CC2D2A: variants seen among roughly 807,000 people sequenced by gnomAD.
CC2D2A encodes coiled-coil and C2 domain-containing protein 2A.
A neutral mutation model predicts 212.9 loss-of-function variants in CC2D2A; 155 were observed. The observed-to-expected ratio is 0.73, with a 90% confidence interval of 0.64 to 0.83. The LOEUF is 0.83. Ranked by LOEUF, CC2D2A falls within the 40% of genes least tolerant of loss-of-function variation. The probability of loss-of-function intolerance (pLI) is 0.00; values close to 1 mark genes in which losing one functional copy is unlikely to be tolerated. For synonymous variants in CC2D2A, 667 were observed against 686.5 expected (o/e 0.97, Z 0.44); for missense variants, 1,856 against 1,956.2 (o/e 0.95, Z 0.97).
In CC2D2A at chr4:15,599,589, G is replaced by C; in HGVS notation, c.4557G>C (p.Trp1519Cys). The change falls in exon 36 of 37, where the codon TGG becomes TGC. Residue 1519 changes from tryptophan to cysteine, a missense_variant. By Grantham distance (215) the Trp-to-Cys change is radical. This residue lies in a region of CC2D2A where 285 missense variants were observed against 278.4 expected (regional missense o/e 1.02). Coordinates refer to ENST00000424120, the MANE Select transcript of CC2D2A (RefSeq NM_001378615.1). ...MDWRPRHLTR[W>C]NRYCTSTLRH... The stretch of plus-strand genomic sequence containing the variant: ...GGAGGCCACGCCATCTGACTCGGTG[G>C]AATAGGTATTGTACCTCTACTCTGC... The C allele has an allele frequency of 6.2e-7, 1 of 1,610,806 alleles. No individual in the cohort carries two copies. The highest frequency in any genetic ancestry group is 8.5e-7 in the Non-Finnish European group (1 of 1,177,708).
intron 4 of CC2D2A, among the ~76,000 whole-genome samples, chr4:15,501,775 C>T (rs1715967623): frequency 6.6e-6 from 1 of 152,110 alleles, no homozygotes; most frequent in South Asian, 2.1e-4. Flanking sequence ...GATCATAATA[C>T]CTGGGGCACT....
At chr4:15,558,377 T>A (rs1388977842) in intron 21 of CC2D2A, among the ~76,000 whole-genome samples, 1 of 151,836 alleles carries the variant, frequency 6.6e-6, no homozygotes, top group Non-Finnish European at 1.5e-5. Context: ...CCAAGGGGAG[T>A]TTACTGGATG....
chr4:15,527,771 G>A (rs1382610032), intron 12 of CC2D2A, 115 bp downstream of exon 12: 32 of 752,732 alleles, frequency 4.3e-5, no homozygotes, highest in East Asian at 1.9e-4. Flanking sequence ...ATGTTTCCTC[G>A]GTTTAGGATG....
At chr4:15,560,719 C>G in intron 23 of CC2D2A, 97 bp downstream of exon 23, 2 of 594,322 alleles carry the variant, frequency 3.4e-6, no homozygotes, top group Non-Finnish European at 5.8e-6. Flanking sequence ...TAAAAATCAT[C>G]GTATGGTATG....
At chr4:15,511,042 G>A (rs1447924134) in intron 7 of CC2D2A, among the ~76,000 whole-genome samples, 3 of 152,148 alleles carry the variant, frequency 2.0e-5, no homozygotes, top group African/African-American at 7.2e-5. Context: ...ACTAATTAGA[G>A]TTACTATTAA....
intron 17 of CC2D2A, among the ~76,000 whole-genome samples, chr4:15,550,343 A>G (rs1443207774): frequency 4.6e-5 from 7 of 152,164 alleles, no homozygotes; most frequent in African/African-American, 1.2e-4. Flanking sequence ...AACTTGATAG[A>G]TTTACTAAAA....
At chr4:15,564,837 G>A (rs903931095) in intron 24 of CC2D2A, among the ~76,000 whole-genome samples, 1 of 151,792 alleles carries the variant, frequency 6.6e-6, no homozygotes, top group Non-Finnish European at 1.5e-5. Context: ...CCCACCACGC[G>A]AGGCTAATTT....
At position 15,580,061 on chromosome 4, in the gene CC2D2A, A is replaced by G. The variant is rs1209912536; in HGVS notation, c.3865A>G (p.Thr1289Ala). ...GTTTCCAAATCGTCAGTGCCTTACA[A>G]CAGTAATTGATATAAGCGGAAAAAC... ...LKFPNRQCLT[T>A]VIDISGKTVF... Residue 1289 changes from threonine (T) to alanine (A), a missense_variant, in exon 30 of 37, where the codon ACA becomes GCA. Physicochemically the swap from Thr to Ala is moderately conservative, Grantham distance 58 (BLOSUM62 0). Coordinates refer to ENST00000424120, the MANE Select transcript of CC2D2A (RefSeq NM_001378615.1). 2.5e-6 allele frequency: 4 copies of G among 1,613,834 alleles called. No individual in the cohort carries two copies. Among genetic ancestry groups the G allele is most frequent in the Non-Finnish European group, 3.4e-6 (4 of 1,179,856 alleles).
chr4:15,579,595 A>G (rs909191654), intron 29 of CC2D2A, among the ~76,000 whole-genome samples: 1 of 152,180 alleles, frequency 6.6e-6, no homozygotes, highest in Non-Finnish European at 1.5e-5. Context: ...GCCGCCCCCC[A>G]GCCTGCACAC....
rs1577354625 is a variant in CC2D2A, at chr4:15,533,259, A to T, written c.1533A>T (p.Lys511Asn). Residue 511 changes from lysine to asparagine, a missense_variant, in exon 14 of 37, where the codon AAA becomes AAT. Transcript: ENST00000424120. ...GAACATTGCTTAAGACTATCATAAA[A>T]GTTTGGAAAGAGATGAAATCCCTTC... ...KDRTLLKTII[K>N]VWKEMKSLRE... 1 of 1,602,544 alleles carries T rather than the reference A, an allele frequency of 6.2e-7. No homozygotes were observed. The highest frequency in any genetic ancestry group is 1.1e-5 in the South Asian group (1 of 87,652).
chr4:15,548,685 G>A (rs1410993608), intron 17 of CC2D2A, among the ~76,000 whole-genome samples: 2 of 152,076 alleles, frequency 1.3e-5, no homozygotes, highest in Non-Finnish European at 2.9e-5. Context: ...TCAAACCAAG[G>A]TCTCCAGTGC....
At chr4:15,548,611 TGAAA>T (rs1718831787) in intron 17 of CC2D2A, among the ~76,000 whole-genome samples, 1 of 151,488 alleles carries the variant, frequency 6.6e-6, no homozygotes, top group African/African-American at 2.4e-5. Context: ...TCAAACAAAA[TGAAA>T]GAAAACACAT....
intron 16 of CC2D2A, 126 bp downstream of exon 16, chr4:15,538,263 T>A: frequency 9.8e-7 from 1 of 1,024,810 alleles, no homozygotes. Context: ...ATCAGGAGTA[T>A]CATTAACTCT....
At chr4:15,549,982 C>T (rs1472931280) in intron 17 of CC2D2A, among the ~76,000 whole-genome samples, 1 of 151,898 alleles carries the variant, frequency 6.6e-6, no homozygotes, top group Non-Finnish European at 1.5e-5. Context: ...CAGCATTTTT[C>T]AAAAAATGTA....
At chr4:15,569,226 ACATTTGAATGCT>A (rs1720042771) in intron 26 of CC2D2A, 55 bp from the exon 27 acceptor site, 1 of 837,210 alleles carries the variant, frequency 1.2e-6, no homozygotes, top group Admixed American at 2.3e-5. Flanking sequence ...TCAAATGCTG[ACATTTGAATGCT>A]CATAATTTCT....
chr4:15,481,996 C>T (rs548709689), intron 4 of CC2D2A: 3 of 985,416 alleles, frequency 3.0e-6, no homozygotes, highest in Admixed American at 1.2e-4. Context: ...TTAGGAATTA[C>T]CTGCTCATTG....
At chr4:15,498,341 T>C (rs1254535045) in intron 4 of CC2D2A, among the ~76,000 whole-genome samples, 1 of 152,230 alleles carries the variant, frequency 6.6e-6, no homozygotes, top group Non-Finnish European at 1.5e-5. Flanking sequence ...CCATAAGTTC[T>C]TGCATGCCCT....
chr4:15,503,571 T>C (rs995521616), intron 6 of CC2D2A, among the ~76,000 whole-genome samples: 4 of 152,148 alleles, frequency 2.6e-5, no homozygotes, highest in African/African-American at 7.2e-5. Flanking sequence ...GCTGGATCCA[T>C]GGATCTTCCT....
rs1714591955 is a variant in CC2D2A at position 15,480,822 on chromosome 4, C to A, written c.242C>A (p.Pro81Gln). ...CTGAGTATGACAGTCCGGAGAGGCC[C>A]ACGGAGTAAGTGCCCCTCTTCCATT... is the stretch of plus-strand genomic sequence containing the variant. ...RLLSMTVRRG[P>Q]RSLPPIPSTS... Residue 81 changes from proline (P) to glutamine (Q), a missense_variant, in exon 4 of 37, where the codon CCA becomes CAA. Pro to Gln is a moderately conservative substitution (Grantham distance 76). Transcript: ENST00000424120. The A allele has an allele frequency of 2.5e-6, 4 of 1,611,624 alleles. No individual in the cohort carries two copies. In the South Asian group the frequency reaches 4.4e-5, roughly 18 times the overall value.
Sources: gnomAD v4.1 joint callset for allele counts (sites outside exome capture counted in the v4.1 genomes callset) on GRCh38, gnomAD v4.1.1 for gene constraint, gnomAD v4.1.1 regional missense constraint, MANE v1.5 for transcripts, NCBI Gene and HGNC (gene_info 2026-07-23, HGNC 2026-07-21) for gene names.